PLXNA2: variants seen among roughly 807,000 people sequenced by gnomAD.
PLXNA2 encodes the protein plexin A2, also known as plexin-A2.
In PLXNA2, 91 loss-of-function variants were observed where a neutral mutation model predicts 193.5. The ratio of observed to expected loss-of-function variants is 0.47; its 90% CI spans 0.40 to 0.56. PLXNA2 has a LOEUF of 0.56. Among genes scored for constraint, PLXNA2 ranks in the 20% least tolerant of loss-of-function variants. PLXNA2 has a pLI of 0.00. For synonymous variants in PLXNA2, 997 were observed against 1,027.3 expected (o/e 0.97, Z 0.56); for missense variants, 1,995 against 2,503.2 (o/e 0.80, Z 4.33).
intron 17 of PLXNA2, among the ~76,000 whole-genome samples, chr1:208,047,635 C>T (rs1374302940): frequency 6.6e-6 from 1 of 152,250 alleles, no homozygotes; most frequent in Non-Finnish European, 1.5e-5. Context: ...CAGGGCATCT[C>T]TGAGAACTCA....
intron 3 of PLXNA2, among the ~76,000 whole-genome samples, chr1:208,174,741 C>A (rs1558229238): frequency 6.6e-6 from 1 of 152,214 alleles, no homozygotes; most frequent in Non-Finnish European, 1.5e-5. Flanking sequence ...TCAAACCCCA[C>A]AATGCACTCC....
intron 1 of PLXNA2, among the ~76,000 whole-genome samples, chr1:208,229,135 T>C (rs1337383506): frequency 6.6e-6 from 1 of 152,172 alleles, no homozygotes; most frequent in Non-Finnish European, 1.5e-5. Context: ...ACAGGCTAAA[T>C]TTCCTCTTCC....
chr1:208,104,340 G>A (rs563177181), intron 4 of PLXNA2, among the ~76,000 whole-genome samples: 1 of 152,316 alleles, frequency 6.6e-6, no homozygotes, highest in Non-Finnish European at 1.5e-5. Flanking sequence ...AGATGTCAAC[G>A]CTGTGGAGCT....
In PLXNA2 at chr1:208,082,770, C is replaced by T. The variant is rs1157986842; in HGVS notation, c.2299-262G>A. ...TGAATCTACCTTTCTCCAAACACAT[C>T]TTCTTAAGCCCCTCTCTGTCTTTGT... On this transcript the variant is annotated intron_variant, in intron 10 of 31. Coordinates refer to ENST00000367033, the MANE Select transcript of PLXNA2 (RefSeq NM_025179.4). The surrounding 1 kb of genome is among the most constrained non-coding windows in gnomAD (Gnocchi z 4.2). 6.6e-6 allele frequency among the ~76,000 whole-genome samples: 1 copy of T among 152,162 alleles called. No homozygotes were observed. Among genetic ancestry groups the T allele is most frequent in the East Asian group, 1.9e-4 (1 of 5,194 alleles).
chr1:208,042,171 G>C lies in PLXNA2; in HGVS notation c.4213C>G (p.Leu1405Val). 6.2e-7 allele frequency: 1 copy of C among 1,614,224 alleles called. No homozygotes were observed. Among genetic ancestry groups the C allele is most frequent in the South Asian group, 1.1e-5 (1 of 91,092 alleles). ...QGRLEYATDVLKQLLSDLIDK... is the reference protein window; with the variant it reads ...QGRLEYATDVVKQLLSDLIDK... Reference sequence around the variant, plus strand: ...ATGAGGTCAGAGAGCAGCTGCTTGAGGACATCAGTGGCATATTCCAGGCGG... The same window carrying C: ...ATGAGGTCAGAGAGCAGCTGCTTGACGACATCAGTGGCATATTCCAGGCGG... Residue 1405 changes from leucine (L) to valine (V), a missense_variant, in exon 22 of 32, where the codon CTC becomes GTC. By Grantham distance (32) the Leu-to-Val change is conservative. This residue lies in a region of PLXNA2 where 1,291 missense variants were observed against 1,673.6 expected (regional missense o/e 0.77). Coordinates refer to ENST00000367033, the MANE Select transcript of PLXNA2 (RefSeq NM_025179.4).
At chr1:208,097,966 A>G (rs1201802451) in intron 6 of PLXNA2, among the ~76,000 whole-genome samples, 1 of 151,922 alleles carries the variant, frequency 6.6e-6, no homozygotes, top group East Asian at 1.9e-4. Context: ...CAGCCTCCCA[A>G]AGTGCTAGGA....
chr1:208,106,783 G>T (rs920354953), intron 4 of PLXNA2, among the ~76,000 whole-genome samples: 4 of 152,214 alleles, frequency 2.6e-5, no homozygotes, highest in South Asian at 4.1e-4. Flanking sequence ...TACACATGTA[G>T]TTCATGCTTG....
chr1:208,043,311 T>A, intron 20 of PLXNA2, 108 bp from the exon 21 acceptor site: 1 of 1,058,014 alleles, frequency 9.5e-7, no homozygotes, highest in East Asian at 2.4e-5. Flanking sequence ...TTGTAGAGAC[T>A]CTGAGGATTA....
At chr1:208,115,749 C>G (rs1313654451) in intron 4 of PLXNA2, among the ~76,000 whole-genome samples, 1 of 152,154 alleles carries the variant, frequency 6.6e-6, no homozygotes, top group East Asian at 1.9e-4. Context: ...ACACACCTCC[C>G]AAACTATAAT....
chr1:208,039,516 C>T lies in PLXNA2; in HGVS notation c.4500+105G>A, dbSNP rs761176527. 1.5e-4 allele frequency: 230 copies of T among 1,490,136 alleles called. No homozygotes were observed. In the African/African-American group the frequency reaches 2.9e-3, roughly 19 times the overall value. 92.3% of individuals were successfully genotyped at this position (1,490,136 alleles called of 1,614,324 possible). A position where few individuals can be genotyped will look rare whatever the true frequency, so the allele number is the denominator to read the frequency against. ...TTTGGGCTCACCCCAGACCAGCCTC[C>T]CATCCTCTTTATTGACCCCCTAGAC... is the stretch of plus-strand genomic sequence containing the variant. On this transcript the variant is annotated intron_variant, in intron 24 of 31. Transcript: ENST00000367033.
Position 208,217,442 on chromosome 1 carries a change from T to C in PLXNA2, c.481A>G (p.Ser161Gly), listed in dbSNP as rs199587642. Residue 161 changes from serine (S) to glycine (G), a missense_variant, in exon 2 of 32, where the codon AGT becomes GGT. Physicochemically the swap from Ser to Gly is moderately conservative, Grantham distance 56 (BLOSUM62 0). Transcript: ENST00000367033. The surrounding 1 kb of genome is among the most constrained non-coding windows in gnomAD (Gnocchi z 4.7). ...TACATGGTGCCCGTCTTGTTGACAC[T>C]GGACAGGTAGTGCTCCTTCTTGTGG... The part of the protein sequence containing the change: ...PSHKKEHYLS[S>G]VNKTGTMYGV... The C allele has an allele frequency of 1.1e-5, 17 of 1,614,180 alleles. No homozygotes were observed. In the Admixed American group the frequency reaches 2.8e-4, roughly 27 times the overall value.
At chr1:208,233,065 GC>G (rs1211853353) in intron 1 of PLXNA2, among the ~76,000 whole-genome samples, 2 of 152,136 alleles carry the variant, frequency 1.3e-5, no homozygotes, top group Non-Finnish European at 2.9e-5. Flanking sequence ...ATGTTGTAGA[GC>G]CCATTCCCTC....
intron 4 of PLXNA2, among the ~76,000 whole-genome samples, chr1:208,113,546 CTTT>C (rs397695261): frequency 9.5e-6 from 1 of 105,712 alleles, no homozygotes. Context: ...CTCTCTCTCT[CTTT>C]TTTTTTTTTT....
At chr1:208,157,667 A>T (rs1046495794) in intron 3 of PLXNA2, among the ~76,000 whole-genome samples, 6 of 151,848 alleles carry the variant, frequency 4.0e-5, no homozygotes, top group Non-Finnish European at 8.8e-5. Context: ...AAATTCATAG[A>T]CTCCTGGGAA....
intron 4 of PLXNA2, among the ~76,000 whole-genome samples, chr1:208,123,831 C>T (rs371652710): frequency 3.0e-4 from 45 of 152,292 alleles, no homozygotes; most frequent in Middle Eastern, 6.8e-3. Flanking sequence ...TTGAAAAGGA[C>T]GCGGCTAGTC....
chr1:208,032,103 G>A (rs758859181), intron 28 of PLXNA2: 18 of 985,422 alleles, frequency 1.8e-5, no homozygotes, highest in Admixed American at 1.2e-4. Context: ...AAGCCAGTCC[G>A]GAAACAGTGT....
intron 26 of PLXNA2, among the ~76,000 whole-genome samples, chr1:208,035,599 A>AT (rs1335673827): frequency 6.6e-6 from 1 of 152,204 alleles, no homozygotes; most frequent in African/African-American, 2.4e-5. Context: ...AAAACAGAGA[A>AT]TCCCCAGAAT....
At chr1:208,177,782 G>A (rs1669705553) in intron 3 of PLXNA2, among the ~76,000 whole-genome samples, 1 of 152,264 alleles carries the variant, frequency 6.6e-6, no homozygotes, top group Admixed American at 6.5e-5. Context: ...TGTTAGCAAT[G>A]CAAATTCTTG....
At chr1:208,180,408 T>G (rs1468280642) in intron 3 of PLXNA2, among the ~76,000 whole-genome samples, 2 of 152,004 alleles carry the variant, frequency 1.3e-5, no homozygotes, top group Non-Finnish European at 2.9e-5. Flanking sequence ...AGAAAACAGG[T>G]TCATCACATA....
Sources: allele counts gnomAD v4.1 joint callset (sites outside exome capture counted in the v4.1 genomes callset), GRCh38; gene constraint gnomAD v4.1.1; regional missense constraint gnomAD v4.1.1; non-coding constraint Gnocchi (gnomAD v3.1); transcripts MANE v1.5; gene names NCBI Gene and HGNC (gene_info 2026-07-23, HGNC 2026-07-21).